Variants in PIK3CA observed in about 807,000 individuals in gnomAD.
The protein encoded by PIK3CA is phosphatidylinositol-4,5-bisphosphate 3-kinase catalytic subunit alpha, also known as phosphatidylinositol 4,5-bisphosphate 3-kinase catalytic subunit alpha isoform.
In PIK3CA, 27 loss-of-function variants were observed where a neutral mutation model predicts 138.2. The ratio of observed to expected loss-of-function variants is 0.20; its 90% CI spans 0.14 to 0.27. PIK3CA has a LOEUF of 0.27. Ranked by LOEUF, PIK3CA falls within the 10% of genes least tolerant of loss-of-function variation. The pLI, the probability that PIK3CA is intolerant of heterozygous loss-of-function variation, is 1.00. For missense variants in PIK3CA, 544 were observed against 1,277.4 expected (o/e 0.43, Z 8.75); for synonymous variants, 358 against 413.2 (o/e 0.87, Z 1.62).
intron 16 of PIK3CA, among the ~76,000 whole-genome samples, chr3:179,225,360 T>C (rs1180536523): frequency 1.3e-5 from 2 of 151,996 alleles, no homozygotes; most frequent in Non-Finnish European, 2.9e-5. Flanking sequence ...AGGAACCATA[T>C]AAAAGAAGGT....
At position 179,235,194 on chromosome 3, in the gene PIK3CA, C is replaced by G. The variant is rs1170334157; in HGVS notation, c.*830C>G. On this transcript the variant is annotated 3_prime_UTR_variant, in exon 21 of 21. Transcript: ENST00000263967. Reference sequence around the variant, plus strand: ...TATTCCAGAATTGTACAGTATTCACCTTAAGTTGATTTTTTTTCTCCTTCT... The same window carrying G: ...TATTCCAGAATTGTACAGTATTCACGTTAAGTTGATTTTTTTTCTCCTTCT... 1 of 185,100 alleles carries G rather than the reference C, an allele frequency of 5.4e-6. No individual in the cohort carries two copies. The highest frequency in any genetic ancestry group is 1.1e-5 in the Non-Finnish European group (1 of 88,074). 11.5% of individuals were successfully genotyped at this position (185,100 alleles called of 1,614,324 possible).
chr3:179,178,007 A>T (rs1414786947), intron 1 of PIK3CA, among the ~76,000 whole-genome samples: 1 of 150,848 alleles, frequency 6.6e-6, no homozygotes, highest in Non-Finnish European at 1.5e-5. Context: ...TGGGAGGCCA[A>T]GGTGGGAGGA....
At chr3:179,211,616 G>A (rs1206613461) in intron 9 of PIK3CA, among the ~76,000 whole-genome samples, 2 of 152,138 alleles carry the variant, frequency 1.3e-5, no homozygotes, top group Non-Finnish European at 2.9e-5. Flanking sequence ...GCAGTGAGCC[G>A]AGGTCACGCC....
chr3:179,225,625 A>G (rs1725065663), intron 16 of PIK3CA, among the ~76,000 whole-genome samples: 1 of 152,206 alleles, frequency 6.6e-6, no homozygotes, highest in Non-Finnish European at 1.5e-5. Context: ...TTTAAGAATC[A>G]GAATATTAAG....
chr3:179,205,926 G>A (rs1724547515), intron 6 of PIK3CA, among the ~76,000 whole-genome samples: 1 of 152,144 alleles, frequency 6.6e-6, no homozygotes, highest in Non-Finnish European at 1.5e-5. Flanking sequence ...TGTTGCTAAA[G>A]ATGGCCACCC....
intron 1 of PIK3CA, among the ~76,000 whole-genome samples, chr3:179,152,109 A>G (rs775154838): frequency 8.5e-5 from 13 of 152,226 alleles, no homozygotes; most frequent in Non-Finnish European, 1.8e-4. Flanking sequence ...CATAAGCACC[A>G]GTTTTTATTC....
rs117952689 is a variant in PIK3CA, at chr3:179,220,401, A to G, written c.2015+349A>G. ...ACAAAGAAAAAAATGTTTTACCTTG[A>G]AATTCAGAACAATGTCAAACTCCCG... On this transcript the variant is annotated intron_variant, in intron 13 of 20. Coordinates refer to ENST00000263967, the MANE Select transcript of PIK3CA (RefSeq NM_006218.4). The surrounding 1 kb of genome is among the most constrained non-coding windows in gnomAD (Gnocchi z 4.1). 4.9e-4 allele frequency among the ~76,000 whole-genome samples: 75 copies of G among 152,320 alleles called. No homozygotes were observed. In the East Asian group the frequency reaches 0.014, roughly 29 times the overall value.
chr3:179,179,125 T>A (rs1435448772), intron 1 of PIK3CA, among the ~76,000 whole-genome samples: 1 of 152,250 alleles, frequency 6.6e-6, no homozygotes, highest in Non-Finnish European at 1.5e-5. Flanking sequence ...CAGGCTTTTT[T>A]AAGGATAAGC....
At chr3:179,204,637 G>A in intron 6 of PIK3CA, 49 bp downstream of exon 6, 1 of 909,626 alleles carries the variant, frequency 1.1e-6, no homozygotes, top group Non-Finnish European at 1.8e-6. Flanking sequence ...TTAGTGTTTA[G>A]CAGTATGATC....
chr3:179,199,922 C>G (rs895669274), intron 3 of PIK3CA, 23 bp downstream of exon 3: 30 of 1,341,574 alleles, frequency 2.2e-5, no homozygotes, highest in Middle Eastern at 1.8e-4. Flanking sequence ...CTAATCTACT[C>G]TAATCATTAC....
chr3:179,190,023 G>T (rs1248586182), intron 1 of PIK3CA, among the ~76,000 whole-genome samples: 1 of 152,128 alleles, frequency 6.6e-6, no homozygotes, highest in Non-Finnish European at 1.5e-5. Context: ...GGCCCTAACT[G>T]GGGCCCAGAA....
intron 1 of PIK3CA, among the ~76,000 whole-genome samples, chr3:179,195,005 T>G (rs2108381946): frequency 7.8e-6 from 1 of 128,902 alleles, no homozygotes; most frequent in South Asian, 2.4e-4. Context: ...ATTAAGCAGG[T>G]ACTTCTCAAA....
chr3:179,177,211 T>C (rs553124226), intron 1 of PIK3CA, among the ~76,000 whole-genome samples: 3 of 152,318 alleles, frequency 2.0e-5, no homozygotes, highest in Admixed American at 2.0e-4. Flanking sequence ...TTTTGGTTTA[T>C]GGTACTTTTG....
In PIK3CA at chr3:179,240,055, T is replaced by G; in HGVS notation, c.*5691T>G. On this transcript the variant is annotated 3_prime_UTR_variant, in exon 21 of 21. Transcript: ENST00000263967. Reference sequence around the variant, plus strand: ...TGCTTTTCTTTAACTCTGCAGTCTGTAACATCACGCTGTTTATTAAAAAAA... The same window carrying G: ...TGCTTTTCTTTAACTCTGCAGTCTGGAACATCACGCTGTTTATTAAAAAAA... The G allele has an allele frequency of 6.5e-7, 1 of 1,545,692 alleles. No homozygotes were observed. The highest frequency in any genetic ancestry group is 1.2e-5 in the South Asian group (1 of 83,292).
At position 179,219,261 on chromosome 3, in the gene PIK3CA, G is replaced by A. The variant is rs779700339; in HGVS notation, c.1730G>A (p.Arg577Lys). 2 of 1,593,878 alleles carry A rather than the reference G, an allele frequency of 1.3e-6. No individual in the cohort carries two copies. Among genetic ancestry groups the A allele is most frequent in the South Asian group, 1.1e-5 (1 of 90,558 alleles). The change falls in exon 11 of 21, where the codon AGA becomes AAA. Residue 577 changes from arginine to lysine, a missense_variant. By Grantham distance (26) the Arg-to-Lys change is conservative. This residue lies in a region of PIK3CA where 11 missense variants were observed against 48.4 expected (regional missense o/e 0.23). Transcript: ENST00000263967. This position sits in a 1 kb window ranked among gnomAD's most constrained non-coding sequence, Gnocchi z 4.2. ...CTTCTGTCTGTTAAATGGAATTCTA[G>A]AGATGAAGTAGCCCAGGTAAATGTA... ...KLLLSVKWNS[R>K]DEVAQMYCLV...
At chr3:179,165,382 C>A (rs895192461) in intron 1 of PIK3CA, among the ~76,000 whole-genome samples, 1 of 152,000 alleles carries the variant, frequency 6.6e-6, no homozygotes, top group Admixed American at 6.6e-5. Context: ...TACTGGGAAC[C>A]TGAATTTTAT....
chr3:179,221,696 C>CTTTT lies in PIK3CA; in HGVS notation c.2187+565_2187+568dup, dbSNP rs200211358. Among the ~76,000 whole-genome samples, 25 of 77,582 alleles carry CTTTT rather than the reference C, an allele frequency of 3.2e-4. 2 individuals are homozygous for CTTTT. The highest frequency in any genetic ancestry group is 1.0e-3 in the African/African-American group (19 of 18,260). 50.9% of individuals were successfully genotyped at this position (77,582 alleles called of 152,430 possible). ...CTAAGAGTAGGAAATACAATGTAAA[C>CTTTT]TTTTTTTTTTTTTTTTTTTTTTTTT... On this transcript the variant is annotated intron_variant, in intron 14 of 20. Coordinates refer to ENST00000263967, the MANE Select transcript of PIK3CA (RefSeq NM_006218.4).
At chr3:179,191,706 G>A (rs541058884) in intron 1 of PIK3CA, among the ~76,000 whole-genome samples, 9 of 152,130 alleles carry the variant, frequency 5.9e-5, no homozygotes, top group African/African-American at 1.4e-4. Context: ...GCGCAGTCTC[G>A]GCTCACTGCA....
chr3:179,203,525 C>A lies in PIK3CA; in HGVS notation c.814-19C>A, dbSNP rs200380982. On this transcript the variant is annotated intron_variant, in intron 4 of 20. Coordinates refer to ENST00000263967, the MANE Select transcript of PIK3CA (RefSeq NM_006218.4). Reference sequence around the variant, plus strand: ...GAAAAACCTTACAGGAAATGGCTCGCCCCCTTAATCTCTTACAGTATATAA... The same window carrying A: ...GAAAAACCTTACAGGAAATGGCTCGACCCCTTAATCTCTTACAGTATATAA... The A allele has an allele frequency of 6.3e-7, 1 of 1,584,526 alleles. No individual in the cohort carries two copies. The highest frequency in any genetic ancestry group is 1.8e-5 in the Admixed American group (1 of 54,818).
Sources: allele counts gnomAD v4.1 joint callset (sites outside exome capture counted in the v4.1 genomes callset), GRCh38; gene constraint gnomAD v4.1.1; regional missense constraint gnomAD v4.1.1; non-coding constraint Gnocchi (gnomAD v3.1); transcripts MANE v1.5; gene names NCBI Gene and HGNC (gene_info 2026-07-23, HGNC 2026-07-21).